The following EDA variants were observed in gnomAD, a reference collection of about 807,000 sequenced individuals.
EDA encodes the protein ectodysplasin A.
Under a neutral mutation model 23.6 loss-of-function variants are expected in EDA, and 2 were observed. That is an observed-to-expected ratio of 0.08 (90% confidence interval 0.03 to 0.27). EDA has a LOEUF of 0.27. Ranked by LOEUF, EDA falls within the 10% of genes least tolerant of loss-of-function variation. The pLI is 1.00. For missense variants in EDA, 229 were observed against 324.2 expected, an observed-to-expected ratio of 0.71 and a Z score of 2.26; for synonymous variants, 131 against 132.0, an observed-to-expected ratio of 0.99 and a Z score of 0.05.
At chrX:69,760,712 G>T (rs2014282924) in intron 1 of EDA, among the ~76,000 whole-genome samples, 1 of 111,986 alleles carries the variant, frequency 8.9e-6, no homozygotes, top group Non-Finnish European at 1.9e-5. Context: ...GCCAGGGTAA[G>T]GTTAGTACAC....
At chrX:69,776,821 C>G (rs1037133684) in intron 1 of EDA, among the ~76,000 whole-genome samples, 8 of 111,325 alleles carry the variant, frequency 7.2e-5, no homozygotes, top group African/African-American at 9.8e-5. Context: ...TATTTAGTAT[C>G]TAACATAGTC....
intron 1 of EDA, among the ~76,000 whole-genome samples, chrX:69,824,831 G>A (rs1199451252): frequency 3.6e-4 from 20 of 55,406 alleles, no homozygotes; most frequent in East Asian, 2.4e-3. Flanking sequence ...TATTGGCTGT[G>A]GGTTTGTCAT....
At chrX:69,858,464 C>G (rs1017002685) in intron 1 of EDA, among the ~76,000 whole-genome samples, 1 of 111,453 alleles carries the variant, frequency 9.0e-6, no homozygotes, top group Non-Finnish European at 1.9e-5. Context: ...TATTGAAAAC[C>G]TTTTCTGTAT....
At chrX:69,710,311 A>C (rs770869410) in intron 1 of EDA, among the ~76,000 whole-genome samples, 165 of 110,468 alleles carry the variant, frequency 1.5e-3, no homozygotes, top group African/African-American at 5.4e-3. Context: ...AGTTGTAGAT[A>C]TGCGGCATTA....
At chrX:69,793,211 A>C (rs1355070976) in intron 1 of EDA, among the ~76,000 whole-genome samples, 2 of 112,059 alleles carry the variant, frequency 1.8e-5, no homozygotes, top group Non-Finnish European at 3.8e-5. Flanking sequence ...CACAAAGTAA[A>C]GGCATACTTG....
At chrX:69,726,092 G>C (rs2012791496) in intron 1 of EDA, among the ~76,000 whole-genome samples, 1 of 111,901 alleles carries the variant, frequency 8.9e-6, no homozygotes, top group Non-Finnish European at 1.9e-5. Context: ...AGAACTTGAG[G>C]GTCTAAGATG....
chrX:69,925,749 G>A (rs1458813316), intron 1 of EDA, among the ~76,000 whole-genome samples: 5 of 104,231 alleles, frequency 4.8e-5, no homozygotes, highest in Non-Finnish European at 7.8e-5. Flanking sequence ...TGTACCTCTG[G>A]TAGAATTTGG....
chrX:69,658,907 A>T (rs1327350), intron 1 of EDA, among the ~76,000 whole-genome samples: 1 of 110,071 alleles, frequency 9.1e-6, no homozygotes, highest in Non-Finnish European at 1.9e-5. Context: ...GGAACATTGT[A>T]TAAGCATTTG....
In EDA at chrX:69,990,740, CT is replaced by C. The variant is rs747453925; in HGVS notation, c.503-32462del. On this transcript the variant is annotated intron_variant, in intron 2 of 7. Coordinates refer to ENST00000374552, the MANE Select transcript of EDA (RefSeq NM_001399.5). ...TCAAGAGAGCAGGATTTTGCTAGGGCTTTTTTTTTTTTTTTTCTGTCTGTTC... is the reference window on the plus strand; with the variant it reads ...TCAAGAGAGCAGGATTTTGCTAGGGCTTTTTTTTTTTTTTTCTGTCTGTTC... 1.8e-3 allele frequency among the ~76,000 whole-genome samples: 161 copies of C among 90,697 alleles called. 1 individual carries two copies. Among genetic ancestry groups the C allele is most frequent in the East Asian group, 6.9e-3 (20 of 2,907 alleles). The allele number at this position is 90,697 out of a possible 115,157, so 78.8% of individuals were successfully genotyped here. A position where few individuals can be genotyped will look rare whatever the true frequency, so the allele number is the denominator to read the frequency against.
intron 2 of EDA, among the ~76,000 whole-genome samples, chrX:69,971,461 G>T (rs1048356742): frequency 8.9e-6 from 1 of 112,088 alleles, no homozygotes; most frequent in Non-Finnish European, 1.9e-5. Flanking sequence ...CATTGCCATG[G>T]GGTGGCAACC....
intron 1 of EDA, among the ~76,000 whole-genome samples, chrX:69,884,219 T>C (rs2017793872): frequency 8.9e-6 from 1 of 112,122 alleles, no homozygotes; most frequent in Non-Finnish European, 1.9e-5. Flanking sequence ...CTCACTTCAG[T>C]ATTTGTTTGT....
At chrX:69,720,741 A>G (rs1213435513) in intron 1 of EDA, among the ~76,000 whole-genome samples, 1 of 111,899 alleles carries the variant, frequency 8.9e-6, no homozygotes, top group Non-Finnish European at 1.9e-5. Context: ...TCTTTGCTGC[A>G]TTTTTCCTTT....
intron 1 of EDA, among the ~76,000 whole-genome samples, chrX:69,882,461 A>G (rs758664099): frequency 8.9e-5 from 10 of 111,858 alleles, no homozygotes; most frequent in Non-Finnish European, 1.9e-4. Flanking sequence ...TGGTCTGTCT[A>G]GGAGTAAACA....
At chrX:69,982,174 G>A (rs2019418384) in intron 2 of EDA, among the ~76,000 whole-genome samples, 1 of 111,538 alleles carries the variant, frequency 9.0e-6, no homozygotes, top group South Asian at 3.9e-4. Flanking sequence ...TGCGTGTGGG[G>A]AAAATGTTGC....
At chrX:69,667,421 T>C (rs1374261198) in intron 1 of EDA, among the ~76,000 whole-genome samples, 3 of 111,549 alleles carry the variant, frequency 2.7e-5, no homozygotes, top group Non-Finnish European at 5.6e-5. Context: ...CCGTCTCTTT[T>C]AATTTCTTAA....
chrX:69,707,360 G>A (rs2011769102), intron 1 of EDA, among the ~76,000 whole-genome samples: 1 of 112,206 alleles, frequency 8.9e-6, no homozygotes, highest in Admixed American at 9.5e-5. Flanking sequence ...CATCTAAGGA[G>A]TGAAGCCTTT....
chrX:69,980,320 A>G, intron 2 of EDA, among the ~76,000 whole-genome samples: 1 of 111,770 alleles, frequency 8.9e-6, no homozygotes, highest in Middle Eastern at 4.6e-3. Flanking sequence ...TTAACATCGA[A>G]CTAACCTGTA....
intron 1 of EDA, among the ~76,000 whole-genome samples, chrX:69,865,069 T>A (rs2017463686): frequency 9.1e-6 from 1 of 109,933 alleles, no homozygotes; most frequent in Non-Finnish European, 1.9e-5. Flanking sequence ...AATCACAACT[T>A]CTGGAAATCA....
At chrX:69,989,190 C>T (rs1303619761) in intron 2 of EDA, among the ~76,000 whole-genome samples, 1 of 112,246 alleles carries the variant, frequency 8.9e-6, no homozygotes, top group African/African-American at 3.2e-5. Context: ...GGGAGCTGAC[C>T]TTACACCTCC....
Sources: allele counts gnomAD v4.1 joint callset (sites outside exome capture counted in the v4.1 genomes callset), GRCh38; gene constraint gnomAD v4.1.1; transcripts MANE v1.5; gene names NCBI Gene and HGNC (gene_info 2026-07-23, HGNC 2026-07-21).